PAFAH1B2: variants seen among roughly 807,000 people sequenced by gnomAD.
PAFAH1B2 encodes the protein platelet-activating factor acetylhydrolase IB subunit alpha2.
A neutral mutation model predicts 28.0 loss-of-function variants in PAFAH1B2; 8 were observed. That is an observed-to-expected ratio of 0.29 (90% CI 0.17 to 0.52). The LOEUF (loss-of-function observed/expected upper bound fraction) is 0.52, where lower values mean the gene tolerates loss of function less well. PAFAH1B2 is among the 20% of genes least tolerant of loss of function. The pLI is 0.97. For synonymous variants in PAFAH1B2, 104 were observed against 103.2 expected, an observed-to-expected ratio of 1.01 and a Z score of -0.05; for missense variants, 190 against 282.6, an observed-to-expected ratio of 0.67 and a Z score of 2.35.
chr11:117,167,304 A>T (rs1378719095), intron 5 of PAFAH1B2, 117 bp from the exon 6 acceptor site: 4 of 1,040,704 alleles, frequency 3.8e-6, no homozygotes, highest in Non-Finnish European at 5.4e-6. Context: ...AATGTTTCAC[A>T]ACTCAAAGGT....
intron 1 of PAFAH1B2, among the ~76,000 whole-genome samples, chr11:117,146,044 A>G (rs1955996658): frequency 6.6e-6 from 1 of 152,014 alleles, no homozygotes; most frequent in African/African-American, 2.4e-5. Flanking sequence ...CCTGGAGTAC[A>G]GTCTGTTGTG....
In PAFAH1B2 at chr11:117,169,645, C is replaced by G. The variant is rs1956603905; in HGVS notation, c.*1946C>G. On this transcript the variant is annotated 3_prime_UTR_variant, in exon 6 of 6. Transcript: ENST00000527958. The stretch of plus-strand genomic sequence containing the variant: ...TTTGAATGTATCATGTCTTCATTAA[C>G]AACAGAAAATCCACATGGTGTTTAC... The G allele has an allele frequency of 3.8e-6, 4 of 1,051,850 alleles. No individual in the cohort carries two copies. The highest frequency in any genetic ancestry group is 4.6e-6 in the Non-Finnish European group (4 of 870,020). The allele number at this position is 1,051,850 out of a possible 1,614,324, so 65.2% of individuals were successfully genotyped here. A position where few individuals can be genotyped will look rare whatever the true frequency, so the allele number is the denominator to read the frequency against.
At chr11:117,172,374 A>T (rs796684198), downstream of PAFAH1B2, among the ~76,000 whole-genome samples, 12 of 51,176 alleles carry the variant, frequency 2.3e-4, no homozygotes, top group African/African-American at 1.5e-3. Flanking sequence ...ATATATATAT[A>T]TATATATATA....
intron 2 of PAFAH1B2, chr11:117,159,274 G>A (rs1434731315): frequency 2.0e-5 from 3 of 152,174 alleles, no homozygotes; most frequent in African/African-American, 4.8e-5. Context: ...GCTCTGTATG[G>A]TAAGGGTGAG....
At chr11:117,164,993 T>A (rs1420575528) in intron 5 of PAFAH1B2, among the ~76,000 whole-genome samples, 1 of 144,724 alleles carries the variant, frequency 6.9e-6, no homozygotes, top group Non-Finnish European at 1.5e-5. Flanking sequence ...TCTCGCTCTG[T>A]CGCCTAGGCT....
intron 3 of PAFAH1B2, among the ~76,000 whole-genome samples, chr11:117,160,718 G>C (rs1291945733): frequency 6.6e-6 from 1 of 151,944 alleles, no homozygotes; most frequent in African/African-American, 2.4e-5. Context: ...TGGCCTCACA[G>C]AGTGCTGGGA....
chr11:117,170,572 C>T lies in PAFAH1B2; in HGVS notation c.*2873C>T. 1.9e-6 allele frequency: 2 copies of T among 1,050,016 alleles called. No individual in the cohort carries two copies. Among genetic ancestry groups the T allele is most frequent in the Non-Finnish European group, 2.3e-6 (2 of 872,474 alleles). The allele number at this position is 1,050,016 out of a possible 1,614,324, so 65.0% of individuals were successfully genotyped here. On this transcript the variant is annotated 3_prime_UTR_variant, in exon 6 of 6. Coordinates refer to ENST00000527958, the MANE Select transcript of PAFAH1B2 (RefSeq NM_002572.4). ...GAATCTTTTGTCAGAAACCTTAACC[C>T]AACAAAACAAATCTTGAGTAGCTCA...
At chr11:117,172,984 T>C (rs1477819516), downstream of PAFAH1B2, among the ~76,000 whole-genome samples, 1 of 152,248 alleles carries the variant, frequency 6.6e-6, no homozygotes, top group Non-Finnish European at 1.5e-5. Context: ...ATAACAGGCA[T>C]GAGCCACCGC....
chr11:117,173,407 T>C (rs912771987), downstream of PAFAH1B2, among the ~76,000 whole-genome samples: 2 of 152,254 alleles, frequency 1.3e-5, no homozygotes, highest in African/African-American at 4.8e-5. Flanking sequence ...CTTAGGACAG[T>C]AGAGACCAAG....
downstream of PAFAH1B2, among the ~76,000 whole-genome samples, chr11:117,173,385 C>A (rs998679843): frequency 6.6e-6 from 1 of 152,190 alleles, no homozygotes; most frequent in Non-Finnish European, 1.5e-5. Context: ...AAGCCTAGCT[C>A]CACTGTGAGT....
chr11:117,175,854 G>T, downstream of PAFAH1B2: 2 of 1,501,000 alleles, frequency 1.3e-6, no homozygotes, highest in East Asian at 2.5e-5. Flanking sequence ...TTGAAGCCAG[G>T]AGTTCAAGAC....
chr11:117,150,190 G>T (rs1306359960), intron 1 of PAFAH1B2, among the ~76,000 whole-genome samples: 1 of 152,136 alleles, frequency 6.6e-6, no homozygotes, highest in Non-Finnish European at 1.5e-5. Flanking sequence ...TTTTTTGGTT[G>T]TTGTTTGTTT....
At position 117,168,509 on chromosome 11, in the gene PAFAH1B2, G is replaced by T. The variant is rs188550080; in HGVS notation, c.*810G>T. On this transcript the variant is annotated 3_prime_UTR_variant, in exon 6 of 6. Transcript: ENST00000527958. Reference sequence around the variant, plus strand: ...CATTACAAGCTTTTAACACATTTTTGACCTAGGAGCCCTGTTGCTGGAAGT... The same window carrying T: ...CATTACAAGCTTTTAACACATTTTTTACCTAGGAGCCCTGTTGCTGGAAGT... The T allele has an allele frequency of 1.0e-4, 74 of 728,842 alleles. No individual in the cohort carries two copies. In the African/African-American group the frequency reaches 1.9e-3, roughly 19 times the overall value. The allele number at this position is 728,842 out of a possible 1,614,324, so 45.1% of individuals were successfully genotyped here. A position where few individuals can be genotyped will look rare whatever the true frequency, so the allele number is the denominator to read the frequency against.
At chr11:117,158,266 G>A (rs1419497233) in intron 2 of PAFAH1B2, among the ~76,000 whole-genome samples, 1 of 152,092 alleles carries the variant, frequency 6.6e-6, no homozygotes, top group Non-Finnish European at 1.5e-5. Flanking sequence ...GGTCTCGAAT[G>A]CCTGGGCTCA....
downstream of PAFAH1B2, chr11:117,171,632 C>T (rs774499561): frequency 8.3e-6 from 11 of 1,325,162 alleles, no homozygotes; most frequent in Middle Eastern, 5.4e-4. Context: ...GGTAAAGCAG[C>T]CGCCTCCAAA....
chr11:117,157,516 A>G (rs1956279396), intron 2 of PAFAH1B2, among the ~76,000 whole-genome samples: 2 of 152,122 alleles, frequency 1.3e-5, no homozygotes, highest in African/African-American at 4.8e-5. Flanking sequence ...GTGGATGAAT[A>G]TCTGAGTTTT....
intron 3 of PAFAH1B2, 97 bp from the exon 4 acceptor site, chr11:117,161,048 C>T (rs1315307903): frequency 1.3e-6 from 1 of 781,238 alleles, no homozygotes; most frequent in Non-Finnish European, 2.1e-6. Context: ...TCTTTGAATA[C>T]AGAAAAAGGA....
downstream of PAFAH1B2, chr11:117,175,854 G>A: frequency 6.7e-7 from 1 of 1,501,000 alleles, no homozygotes; most frequent in Non-Finnish European, 9.0e-7. Context: ...TTGAAGCCAG[G>A]AGTTCAAGAC....
At position 117,167,767 on chromosome 11, in the gene PAFAH1B2, T is replaced by A; in HGVS notation, c.*68T>A. 7.2e-7 allele frequency: 1 copy of A among 1,397,826 alleles called. No homozygotes were observed. Among genetic ancestry groups the A allele is most frequent in the Non-Finnish European group, 9.3e-7 (1 of 1,069,580 alleles). 86.6% of individuals were successfully genotyped at this position (1,397,826 alleles called of 1,614,324 possible). A position where few individuals can be genotyped will look rare whatever the true frequency, so the allele number is the denominator to read the frequency against. ...CAGTTCTATCACTGGCACTACAGAA[T>A]CCTTCTCTTTCTTAAGGCACTTTGC... On this transcript the variant is annotated 3_prime_UTR_variant, in exon 6 of 6. Transcript: ENST00000527958.
Sources: gnomAD v4.1 joint callset for allele counts (sites outside exome capture counted in the v4.1 genomes callset) on GRCh38, gnomAD v4.1.1 for gene constraint, MANE v1.5 for transcripts, NCBI Gene and HGNC (gene_info 2026-07-23, HGNC 2026-07-21) for gene names.